The following POLN variants were observed in gnomAD, a reference collection of about 807,000 sequenced individuals.
POLN encodes the protein DNA polymerase nu, also known as DNA polymerase N.
Under a neutral mutation model 113.5 loss-of-function variants are expected in POLN, and 108 were observed. The observed-to-expected ratio is 0.95, with a 90% confidence interval of 0.81 to 1.12. The LOEUF (loss-of-function observed/expected upper bound fraction) is 1.12. Among genes scored for constraint, POLN ranks in the 50% most tolerant of loss-of-function variants. The probability of loss-of-function intolerance (pLI) is 0.00; values close to 1 mark genes in which losing one functional copy is unlikely to be tolerated. For synonymous variants in POLN, 386 were observed against 391.5 expected, an observed-to-expected ratio of 0.99 and a Z score of 0.17; for missense variants, 1,097 against 1,077.1, an observed-to-expected ratio of 1.02 and a Z score of -0.26.
Position 2,129,188 on chromosome 4 carries a change from GA to G in POLN, c.1857del (p.Leu620Ter). The stretch of plus-strand genomic sequence containing the variant: ...AGCTACAGCAACGTACCTGCTGCTA[GA>G]AAGGTGTGGCCTTTGGATGAAACAA... ...AMFVSSKGHT[F>X]LAADFSQIEL... On this transcript the variant is annotated frameshift_variant, in exon 18 of 26. Transcript: ENST00000511885. LOFTEE classifies it high-confidence loss of function. The G allele has an allele frequency of 6.3e-7, 1 of 1,587,496 alleles. No individual in the cohort carries two copies. Among genetic ancestry groups the G allele is most frequent in the Non-Finnish European group, 8.7e-7 (1 of 1,156,026 alleles).
chr4:2,201,182 G>A (rs6839855), intron 5 of POLN, among the ~76,000 whole-genome samples: 1 of 139,698 alleles, frequency 7.2e-6, no homozygotes, highest in Non-Finnish European at 1.5e-5. Context: ...CAGGAGAATC[G>A]CCTGAACCCG....
At chr4:2,111,706 G>A (rs952960199) in intron 19 of POLN, among the ~76,000 whole-genome samples, 5 of 152,106 alleles carry the variant, frequency 3.3e-5, no homozygotes, top group Admixed American at 6.5e-5. Flanking sequence ...CCTCTTCAAG[G>A]AGAACTACAA....
intron 20 of POLN, among the ~76,000 whole-genome samples, chr4:2,095,046 G>A: frequency 6.6e-6 from 1 of 152,108 alleles, no homozygotes; most frequent in South Asian, 2.1e-4. Context: ...GGGGAAACTA[G>A]GCCATGCTGA....
rs780481143 is a variant in POLN, at chr4:2,095,906, T to A, written c.2010A>T (p.Thr670=). 2 of 1,614,184 alleles carry A rather than the reference T, an allele frequency of 1.2e-6. No individual in the cohort carries two copies. Among genetic ancestry groups the A allele is most frequent in the Non-Finnish European group, 1.7e-6 (2 of 1,180,026 alleles). The change falls in exon 20 of 26, where the codon ACA becomes ACT. Residue 670 remains threonine, a synonymous_variant. Coordinates refer to ENST00000511885, the MANE Select transcript of POLN (RefSeq NM_181808.4). ...TCTTGGTTTGCTCTCTGTCTGCGTGTGTCACCTGTTCCACGGGCACATCCT... is the reference window on the plus strand; with the variant it reads ...TCTTGGTTTGCTCTCTGTCTGCGTGAGTCACCTGTTCCACGGGCACATCCT... The part of the protein sequence containing the change: ...QWKDVPVEQV[T]HADREQTKKV...
intron 19 of POLN, among the ~76,000 whole-genome samples, chr4:2,120,996 T>C (rs558031630): frequency 3.3e-5 from 5 of 152,358 alleles, no homozygotes; most frequent in South Asian, 4.1e-4. Context: ...AATCATGTCA[T>C]CTGCTAAGAG....
At chr4:2,133,082 G>T (rs1483574084) in intron 16 of POLN, among the ~76,000 whole-genome samples, 1 of 150,370 alleles carries the variant, frequency 6.7e-6, no homozygotes, top group Non-Finnish European at 1.5e-5. Flanking sequence ...AAGGCAGGAG[G>T]ATCACTTGTG....
chr4:2,085,802 A>G, intron 20 of POLN, 58 bp from the exon 21 acceptor site: 6 of 1,603,016 alleles, frequency 3.7e-6, no homozygotes, highest in Non-Finnish European at 5.1e-6. Context: ...GACTGTGTGC[A>G]TGGGCTCAGT....
intron 19 of POLN, among the ~76,000 whole-genome samples, chr4:2,125,381 T>C (rs552448573): frequency 1.6e-3 from 250 of 152,326 alleles, no homozygotes; most frequent in Non-Finnish European, 2.7e-3. Flanking sequence ...TTAGGCCTTC[T>C]ACTTTGTCAC....
At chr4:2,085,907 G>A (rs1000261200) in intron 20 of POLN, among the ~76,000 whole-genome samples, 163 bp from the exon 21 acceptor site, 3 of 152,162 alleles carry the variant, frequency 2.0e-5, no homozygotes, top group Non-Finnish European at 4.4e-5. Context: ...CCAATCAATC[G>A]GGACTGGGGC....
intron 23 of POLN, chr4:2,079,935 C>T (rs1730364467): frequency 1.0e-6 from 1 of 985,548 alleles, no homozygotes; most frequent in African/African-American, 1.7e-5. Context: ...ACTTCAGTTA[C>T]TGCAGAAAGC....
chr4:2,158,847 A>C (rs980241953), intron 14 of POLN, among the ~76,000 whole-genome samples: 7 of 152,328 alleles, frequency 4.6e-5, no homozygotes, highest in East Asian at 1.9e-4. Flanking sequence ...CTTTGAGACT[A>C]GGTACTGCTG....
intron 19 of POLN, among the ~76,000 whole-genome samples, chr4:2,112,829 G>A (rs1044201182): frequency 2.0e-5 from 3 of 152,118 alleles, no homozygotes; most frequent in Non-Finnish European, 2.9e-5. Context: ...TCAGTGTGGC[G>A]ATTCCTCAGG....
rs1553896590 is a variant in POLN, at chr4:2,133,161, A to AAT, written c.1732-1872_1732-1871insAT. ...TATAAAAAATGGCAAAAAAAAAAAA[A>AAT]AATAACATGCTGTCAATAATGCAAA... On this transcript the variant is annotated intron_variant, in intron 16 of 25. Transcript: ENST00000511885. Among the ~76,000 whole-genome samples the AAT allele has an allele frequency of 2.5e-3, 373 of 149,412 alleles. 4 individuals are homozygous for AAT. Among genetic ancestry groups the AAT allele is most frequent in the African/African-American group, 6.4e-3 (265 of 41,192 alleles).
intron 16 of POLN, among the ~76,000 whole-genome samples, chr4:2,141,520 C>CT (rs1732001289): frequency 6.6e-6 from 1 of 152,196 alleles, no homozygotes; most frequent in African/African-American, 2.4e-5. Context: ...CCTGTCTGCT[C>CT]TGTTGGTGAA....
chr4:2,147,643 C>CTTTTTTTTCTT (rs1553897844), intron 16 of POLN, among the ~76,000 whole-genome samples: 2 of 79,358 alleles, frequency 2.5e-5, no homozygotes, highest in East Asian at 6.5e-4. Context: ...TTTTTCTTTT[C>CTTTTTTTTCTT]TTTTTTTTTT....
intron 20 of POLN, among the ~76,000 whole-genome samples, chr4:2,092,924 T>C (rs572870872): frequency 4.6e-5 from 7 of 152,284 alleles, no homozygotes; most frequent in African/African-American, 1.4e-4. Flanking sequence ...CAGCAGTGGA[T>C]ACACAGTAAT....
chr4:2,127,754 A>T lies in POLN; in HGVS notation c.1982+359T>A, dbSNP rs1731620467. Among the ~76,000 whole-genome samples the T allele has an allele frequency of 6.6e-6, 1 of 152,252 alleles. No individual in the cohort carries two copies. The highest frequency in any genetic ancestry group is 2.1e-4 in the South Asian group (1 of 4,834). On this transcript the variant is annotated intron_variant, in intron 19 of 25. Coordinates refer to ENST00000511885, the MANE Select transcript of POLN (RefSeq NM_181808.4). This position sits in a 1 kb window ranked among gnomAD's most constrained non-coding sequence, Gnocchi z 4.7. The stretch of plus-strand genomic sequence containing the variant: ...TGGCCCACAGATGGGCTGGGGCGTG[A>T]GTACGCAGCAAGCACCTTGGCTCTC...
intron 13 of POLN, 122 bp downstream of exon 13, chr4:2,170,557 C>T: frequency 1.3e-6 from 1 of 796,614 alleles, no homozygotes; most frequent in Non-Finnish European, 2.0e-6. Flanking sequence ...CCCTCTTCTG[C>T]AGAAACTGCT....
chr4:2,074,291 C>CA (rs1029410749), intron 24 of POLN, among the ~76,000 whole-genome samples: 4 of 152,178 alleles, frequency 2.6e-5, no homozygotes, highest in Non-Finnish European at 4.4e-5. Context: ...ACCTGACCCC[C>CA]AGCCCTTCAG....
Sources: allele counts gnomAD v4.1 joint callset (sites outside exome capture counted in the v4.1 genomes callset), GRCh38; gene constraint gnomAD v4.1.1; non-coding constraint Gnocchi (gnomAD v3.1); transcripts MANE v1.5; gene names NCBI Gene and HGNC (gene_info 2026-07-23, HGNC 2026-07-21).